Variants in ZRANB3 observed in about 807,000 individuals in gnomAD.
The protein encoded by ZRANB3 is zinc finger RANBP2-type containing 3.
A neutral mutation model predicts 133.8 loss-of-function variants in ZRANB3; 125 were observed. The ratio of observed to expected loss-of-function variants is 0.93; its 90% confidence interval spans 0.81 to 1.08. ZRANB3 has a LOEUF of 1.08. ZRANB3 is among the 50% of genes least tolerant of loss of function. The pLI is 0.00. For synonymous variants in ZRANB3, 387 were observed against 432.7 expected, an observed-to-expected ratio of 0.89 and a Z score of 1.31; for missense variants, 1,229 against 1,275.5, an observed-to-expected ratio of 0.96 and a Z score of 0.56.
intron 2 of ZRANB3, among the ~76,000 whole-genome samples, chr2:135,391,346 C>T (rs1277359260): frequency 6.6e-6 from 1 of 152,104 alleles, no homozygotes; most frequent in Non-Finnish European, 1.5e-5. Flanking sequence ...ATGTGCTGTT[C>T]CCACAGCCCA....
chr2:135,515,603 T>A (rs528120166), intron 1 of ZRANB3, among the ~76,000 whole-genome samples: 112 of 152,268 alleles, frequency 7.4e-4, no homozygotes, highest in African/African-American at 2.4e-3. Flanking sequence ...TTTGAGTGAG[T>A]TTCTTAATCC....
At chr2:135,247,017 A>G (rs1028937385) in intron 12 of ZRANB3, among the ~76,000 whole-genome samples, 1 of 152,268 alleles carries the variant, frequency 6.6e-6, no homozygotes, top group Non-Finnish European at 1.5e-5. Flanking sequence ...GCTTGGTGCC[A>G]TTCCAGGGAA....
intron 8 of ZRANB3, among the ~76,000 whole-genome samples, chr2:135,290,706 G>A (rs1349823444): frequency 1.3e-5 from 2 of 148,790 alleles, no homozygotes; most frequent in African/African-American, 2.5e-5. Flanking sequence ...TGTTTTACAG[G>A]CCCTGTGAGA....
chr2:135,388,314 T>A (rs963823488), intron 3 of ZRANB3, among the ~76,000 whole-genome samples: 3 of 152,074 alleles, frequency 2.0e-5, no homozygotes, highest in Admixed American at 1.3e-4. Context: ...CGATTCAAGA[T>A]GAGATTTGGG....
intron 2 of ZRANB3, among the ~76,000 whole-genome samples, chr2:135,421,464 A>G (rs926102057): frequency 2.6e-5 from 4 of 152,172 alleles, no homozygotes; most frequent in Admixed American, 2.6e-4. Flanking sequence ...ATGGTATGAA[A>G]TTTCTATAAA....
intron 9 of ZRANB3, among the ~76,000 whole-genome samples, chr2:135,273,207 GA>G (rs200843174): frequency 2.7e-5 from 4 of 147,094 alleles, no homozygotes; most frequent in Admixed American, 6.8e-5. Flanking sequence ...AAAAAAAAAA[GA>G]AAAAAAGAAA....
At chr2:135,250,172 G>A (rs1679319432) in intron 12 of ZRANB3, among the ~76,000 whole-genome samples, 1 of 152,196 alleles carries the variant, frequency 6.6e-6, no homozygotes, top group Non-Finnish European at 1.5e-5. Flanking sequence ...TTTCAGCAGA[G>A]ACTGGAGGCA....
intron 1 of ZRANB3, among the ~76,000 whole-genome samples, chr2:135,509,641 T>C (rs978570592): frequency 6.6e-6 from 1 of 152,012 alleles, no homozygotes; most frequent in Non-Finnish European, 1.5e-5. Flanking sequence ...CTTTTGTTTT[T>C]TTACAAATAC....
chr2:135,496,244 C>T (rs577639846), intron 2 of ZRANB3, among the ~76,000 whole-genome samples: 3 of 151,926 alleles, frequency 2.0e-5, no homozygotes, highest in East Asian at 1.9e-4. Context: ...ATTAGCCAGG[C>T]GTGGTGGCGT....
intron 2 of ZRANB3, among the ~76,000 whole-genome samples, chr2:135,490,367 G>A (rs1451974399): frequency 6.6e-6 from 1 of 152,074 alleles, no homozygotes; most frequent in East Asian, 1.9e-4. Context: ...CAATTCTCAA[G>A]GAAGATATAT....
chr2:135,220,763 T>A (rs1694511697), intron 15 of ZRANB3, among the ~76,000 whole-genome samples: 3 of 151,726 alleles, frequency 2.0e-5, no homozygotes, highest in African/African-American at 7.3e-5. Context: ...GGATTCTAGC[T>A]GAAATGAACA....
chr2:135,295,169 T>G (rs368643950), intron 8 of ZRANB3, among the ~76,000 whole-genome samples: 8 of 152,124 alleles, frequency 5.3e-5, no homozygotes, highest in Non-Finnish European at 1.0e-4. Context: ...CTAATGTTGA[T>G]AGTGGGGTGT....
chr2:135,466,220 T>C (rs1559017635), intron 2 of ZRANB3, among the ~76,000 whole-genome samples: 1 of 151,518 alleles, frequency 6.6e-6, no homozygotes, highest in East Asian at 1.9e-4. Context: ...TTATCTCTAC[T>C]AAAAATACAA....
At chr2:135,495,112 T>C (rs1163291779) in intron 2 of ZRANB3, among the ~76,000 whole-genome samples, 1 of 152,042 alleles carries the variant, frequency 6.6e-6, no homozygotes, top group African/African-American at 2.4e-5. Flanking sequence ...CCTGTAATAC[T>C]AGCAACTTGG....
At chr2:135,272,949 C>T (rs79641417) in intron 9 of ZRANB3, among the ~76,000 whole-genome samples, 13,337 of 151,710 alleles carry the variant, frequency 0.088, 790 homozygotes, top group South Asian at 0.24. Flanking sequence ...TTTGGGAGGC[C>T]GAGGAGGATG....
intron 2 of ZRANB3, among the ~76,000 whole-genome samples, chr2:135,424,247 T>C (rs1430636987): frequency 6.6e-6 from 1 of 151,878 alleles, no homozygotes; most frequent in Non-Finnish European, 1.5e-5. Context: ...AAAAGTTCAA[T>C]AGAAGTACTA....
intron 2 of ZRANB3, among the ~76,000 whole-genome samples, chr2:135,477,269 G>A (rs987444755): frequency 2.0e-5 from 3 of 152,194 alleles, no homozygotes; most frequent in Non-Finnish European, 4.4e-5. Flanking sequence ...AAAGGCAAGC[G>A]ATGATTAGAG....
rs563193451 is a variant in ZRANB3 at position 135,372,773 on chromosome 2, C to A, written c.180+18029G>T. On this transcript the variant is annotated intron_variant, in intron 3 of 20. Transcript: ENST00000264159. ...CTGCACTCCAGCCTGGGCGACAGAG[C>A]GAGACTCCATCTCAAAAAAAAAAAA... Among the ~76,000 whole-genome samples, 21 of 134,472 alleles carry A rather than the reference C, an allele frequency of 1.6e-4. No individual in the cohort carries two copies. The East Asian group carries it at 3.9e-3, about 25-fold the overall frequency. The allele number at this position is 134,472 out of a possible 152,430, so 88.2% of individuals were successfully genotyped here.
In ZRANB3 at chr2:135,390,824, GAAAAAAA is replaced by G. The variant is rs201179629; in HGVS notation, c.162-11_162-5del. 8 of 1,299,390 alleles carry G rather than the reference GAAAAAAA, an allele frequency of 6.2e-6. No homozygotes were observed. Among genetic ancestry groups the G allele is most frequent in the African/African-American group, 1.6e-5 (1 of 61,030 alleles). The allele number at this position is 1,299,390 out of a possible 1,614,324, so 80.5% of individuals were successfully genotyped here. ...TACTTCATCAGCCACCATACACCTG[GAAAAAAA>G]AAAAAAAAAAAATTAATTATCAGAG... On this transcript the variant is annotated splice_region_variant and splice_polypyrimidine_tract_variant and intron_variant, in intron 2 of 20. Coordinates refer to ENST00000264159, the MANE Select transcript of ZRANB3 (RefSeq NM_032143.4).
Sources: gnomAD v4.1 joint callset for allele counts (sites outside exome capture counted in the v4.1 genomes callset) on GRCh38, gnomAD v4.1.1 for gene constraint, MANE v1.5 for transcripts, NCBI Gene and HGNC (gene_info 2026-07-23, HGNC 2026-07-21) for gene names.